ADORA1: variants seen among roughly 807,000 people sequenced by gnomAD.
The protein encoded by ADORA1 is adenosine receptor A1.
In ADORA1, 6 loss-of-function variants were observed where a neutral mutation model predicts 19.9. The observed-to-expected ratio is 0.30, with a 90% CI of 0.17 to 0.59. ADORA1 has a LOEUF of 0.59. Among genes scored for constraint, ADORA1 ranks in the 20% least tolerant of loss-of-function variants. ADORA1 has a pLI of 0.87. For missense variants in ADORA1, 302 were observed against 439.2 expected, an observed-to-expected ratio of 0.69 and a Z score of 2.79; for synonymous variants, 194 against 188.4, an observed-to-expected ratio of 1.03 and a Z score of -0.24.
intron 3 of ADORA1, among the ~76,000 whole-genome samples, chr1:203,160,927 C>A (rs1655343771): frequency 1.3e-5 from 2 of 152,246 alleles, no homozygotes; most frequent in African/African-American, 4.8e-5. Context: ...GCTCCTTCCT[C>A]ACTTAGCCCC....
intron 3 of ADORA1, among the ~76,000 whole-genome samples, chr1:203,161,429 G>A (rs988282133): frequency 2.0e-5 from 3 of 152,110 alleles, no homozygotes; most frequent in African/African-American, 7.2e-5. Flanking sequence ...ACACAGGGGG[G>A]CCCCTGTCTC....
At chr1:203,161,945 C>T (rs1437270269) in intron 3 of ADORA1, among the ~76,000 whole-genome samples, 7 of 152,160 alleles carry the variant, frequency 4.6e-5, no homozygotes, top group Admixed American at 3.3e-4. Flanking sequence ...GGTGTTCTCC[C>T]GTCTCTGTTC....
At chr1:203,149,237 G>GA (rs990405745) in intron 3 of ADORA1, among the ~76,000 whole-genome samples, 1 of 151,616 alleles carries the variant, frequency 6.6e-6, no homozygotes, top group African/African-American at 2.4e-5. Context: ...ATGGTGGATG[G>GA]AAAAAAAAGG....
chr1:203,140,218 GTAGGGAGGCTAGT>G (rs2102742962), intron 3 of ADORA1, among the ~76,000 whole-genome samples: 1 of 152,292 alleles, frequency 6.6e-6, no homozygotes, highest in South Asian at 2.1e-4. Flanking sequence ...TACAGAGGAT[GTAGGGAGGCTAGT>G]TAGGATTGGG....
intron 3 of ADORA1, among the ~76,000 whole-genome samples, chr1:203,157,492 C>T (rs182296839): frequency 1.7e-3 from 264 of 152,350 alleles, no homozygotes; most frequent in Non-Finnish European, 3.1e-3. Context: ...GCCTGCAGCT[C>T]TCCCATACTG....
chr1:203,154,144 T>A (rs191383490), intron 3 of ADORA1, among the ~76,000 whole-genome samples: 60 of 152,298 alleles, frequency 3.9e-4, no homozygotes, highest in African/African-American at 1.4e-3. Flanking sequence ...GACCCTGCTC[T>A]GGTCTCAGCA....
At chr1:203,138,357 T>C (rs1654576029) in intron 3 of ADORA1, among the ~76,000 whole-genome samples, 1 of 151,880 alleles carries the variant, frequency 6.6e-6, no homozygotes, top group Non-Finnish European at 1.5e-5. Flanking sequence ...TGTAGATGGG[T>C]TTAAATCCAT....
At chr1:203,158,087 A>G (rs190096037) in intron 3 of ADORA1, among the ~76,000 whole-genome samples, 1 of 152,328 alleles carries the variant, frequency 6.6e-6, no homozygotes, top group Admixed American at 6.5e-5. Flanking sequence ...TTAATTCTGT[A>G]CATGGCCAGG....
At chr1:203,129,248 AG>A in intron 3 of ADORA1, 66 bp downstream of exon 3, 3 of 1,541,816 alleles carry the variant, frequency 1.9e-6, no homozygotes, top group Non-Finnish European at 2.6e-6. Context: ...CCATCTAGAA[AG>A]GAAAAAAGGT....
At chr1:203,134,033 A>G (rs1363422821) in intron 3 of ADORA1, among the ~76,000 whole-genome samples, 2 of 151,970 alleles carry the variant, frequency 1.3e-5, no homozygotes, top group South Asian at 2.1e-4. Flanking sequence ...GGCCGTCTTC[A>G]GATCCTGTAT....
intron 3 of ADORA1, among the ~76,000 whole-genome samples, chr1:203,151,618 C>T (rs150207164): frequency 4.1e-3 from 628 of 152,228 alleles, no homozygotes; most frequent in Non-Finnish European, 6.5e-3. Flanking sequence ...TAAGTTACTG[C>T]GCCAGCCTCA....
intron 3 of ADORA1, among the ~76,000 whole-genome samples, chr1:203,156,134 C>A (rs575808886): frequency 6.6e-6 from 1 of 152,176 alleles, no homozygotes; most frequent in Non-Finnish European, 1.5e-5. Flanking sequence ...GGTTAACATG[C>A]CAAAGGTTCT....
chr1:203,136,813 T>C (rs932229305), intron 3 of ADORA1, among the ~76,000 whole-genome samples: 4 of 152,222 alleles, frequency 2.6e-5, no homozygotes, highest in Admixed American at 2.6e-4. Flanking sequence ...AGCTGATTTG[T>C]CCCTACACCG....
chr1:203,139,720 A>G (rs1311695137), intron 3 of ADORA1, among the ~76,000 whole-genome samples: 3 of 152,240 alleles, frequency 2.0e-5, no homozygotes, highest in Non-Finnish European at 2.9e-5. Flanking sequence ...CTCTGCCCTC[A>G]TGGAACTTAT....
intron 3 of ADORA1, among the ~76,000 whole-genome samples, chr1:203,164,155 C>A (rs764464270): frequency 1.3e-5 from 2 of 152,214 alleles, no homozygotes; most frequent in African/African-American, 2.4e-5. Flanking sequence ...TCACGAGCAG[C>A]CTCGTCATCC....
At chr1:203,163,751 G>A (rs979473078) in intron 3 of ADORA1, among the ~76,000 whole-genome samples, 6 of 152,190 alleles carry the variant, frequency 3.9e-5, no homozygotes, top group African/African-American at 1.4e-4. Flanking sequence ...CACAGAGCAG[G>A]TGGGCTTTGA....
chr1:203,154,052 C>A (rs35195607), intron 3 of ADORA1, among the ~76,000 whole-genome samples: 3 of 152,168 alleles, frequency 2.0e-5, no homozygotes, highest in East Asian at 3.9e-4. Context: ...TCTGCCACCC[C>A]CCGGCCCTCC....
intron 3 of ADORA1, among the ~76,000 whole-genome samples, chr1:203,141,203 C>T (rs945274823): frequency 8.4e-6 from 1 of 119,460 alleles, no homozygotes; most frequent in African/African-American, 2.6e-5. Flanking sequence ...TCCCAGTCAT[C>T]CTGGCCTGCT....
rs952087860 is a variant in ADORA1 at position 203,128,611 on chromosome 1, TAAAGG to T, written c.-57-173_-57-169del. ...TGCTGAATGGAACCTCTGGGAATGATAAAGGGAAGGGACAAAGATTAGGCAGAGAA... is the reference window on the plus strand; with the variant it reads ...TGCTGAATGGAACCTCTGGGAATGATGAAGGGACAAAGATTAGGCAGAGAA... On this transcript the variant is annotated intron_variant, in intron 2 of 3. Transcript: ENST00000337894. The surrounding 1 kb of genome is among the most constrained non-coding windows in gnomAD (Gnocchi z 5.9). Among the ~76,000 whole-genome samples the T allele has an allele frequency of 6.6e-6, 1 of 152,014 alleles. No individual in the cohort carries two copies. Among genetic ancestry groups the T allele is most frequent in the Admixed American group, 6.5e-5 (1 of 15,270 alleles).
Sources: gnomAD v4.1 joint callset for allele counts (sites outside exome capture counted in the v4.1 genomes callset) on GRCh38, gnomAD v4.1.1 for gene constraint, Gnocchi (gnomAD v3.1) non-coding constraint, MANE v1.5 for transcripts, NCBI Gene and HGNC (gene_info 2026-07-23, HGNC 2026-07-21) for gene names.